Variants in SPON2 observed in about 807,000 individuals in gnomAD.
The protein encoded by SPON2 is spondin 2.
SPON2 carries 32 observed loss-of-function variants against 29.9 expected under a neutral mutation model. That is an observed-to-expected ratio of 1.07 (90% CI 0.81 to 1.44). The LOEUF (loss-of-function observed/expected upper bound fraction) is 1.44, where lower values mean the gene tolerates loss of function less well. Among genes scored for constraint, SPON2 ranks in the 40% most tolerant of loss-of-function variants. SPON2 has a pLI of 0.00. For missense variants in SPON2, 541 were observed against 455.5 expected, an observed-to-expected ratio of 1.19 and a Z score of -1.71; for synonymous variants, 248 against 209.1, an observed-to-expected ratio of 1.19 and a Z score of -1.61.
At chr4:1,170,918 G>A in intron 4 of SPON2, 81 bp downstream of exon 4, 3 of 1,511,556 alleles carry the variant, frequency 2.0e-6, no homozygotes, top group Non-Finnish European at 2.7e-6. Context: ...TGGGCTGGGA[G>A]GCGAGGGTGC....
At chr4:1,173,269 A>G (rs1727521624), upstream of SPON2, 1 of 152,294 alleles carries the variant, frequency 6.6e-6, no homozygotes, top group African/African-American at 2.4e-5. Flanking sequence ...AAAGCTGCAC[A>G]GAACAGCCTA....
intron 1 of SPON2, among the ~76,000 whole-genome samples, chr4:1,194,287 G>T (rs1307100254): frequency 1.3e-5 from 2 of 152,172 alleles, no homozygotes; most frequent in South Asian, 2.1e-4. Context: ...GCCCAGTCAG[G>T]GTGGCAGGAA....
In SPON2 at chr4:1,168,647, G is replaced by C. The variant is rs370557609; in HGVS notation, c.812-991C>G. On this transcript the variant is annotated intron_variant, in intron 5 of 5. Coordinates refer to ENST00000290902, the MANE Select transcript of SPON2 (RefSeq NM_012445.4). ...TGGGGAGCACACAGAGCTGCTGGCA[G>C]ATCCCAGCACCCCCCAGCTTCCTGA... 1.7e-3 allele frequency among the ~76,000 whole-genome samples: 265 copies of C among 152,354 alleles called. 9 individuals are homozygous for C. The South Asian group carries it at 0.051, about 29-fold the overall frequency.
intron 1 of SPON2, chr4:1,201,490 C>G (rs917612205): frequency 1.1e-5 from 2 of 180,804 alleles, no homozygotes; most frequent in South Asian, 1.9e-4. Flanking sequence ...GTTACATGCA[C>G]GTGACCACAG....
chr4:1,170,726 C>G (rs1727403260), intron 4 of SPON2, 150 bp from the exon 5 acceptor site: 4 of 1,078,612 alleles, frequency 3.7e-6, no homozygotes, highest in Admixed American at 2.0e-5. Flanking sequence ...TCAGCCATCC[C>G]ACGGAACACG....
chr4:1,200,437 G>A (rs950706940), intron 1 of SPON2, among the ~76,000 whole-genome samples: 3 of 152,138 alleles, frequency 2.0e-5, no homozygotes, highest in Admixed American at 6.5e-5. Flanking sequence ...GGAGGTGCAG[G>A]CTAAGCGAGG....
At position 1,188,218 on chromosome 4, in the gene SPON2, A is replaced by G. The variant is rs528077993; in HGVS notation, c.-239+6772T>C. ...ACTCCGTCTCAAAAAAAAAAAAAAA[A>G]AAAAAAAAGAAATGACAAATATGTT... On this transcript the variant is annotated intron_variant, in intron 1 of 3. Transcript: ENST00000502483. 4.7e-4 allele frequency among the ~76,000 whole-genome samples: 71 copies of G among 151,084 alleles called. 3 individuals carry two copies. In the East Asian group the frequency reaches 0.014, roughly 29 times the overall value.
At chr4:1,170,331 C>T (rs371279109) in intron 5 of SPON2, 71 bp downstream of exon 5, 5 of 1,462,092 alleles carry the variant, frequency 3.4e-6, no homozygotes, top group South Asian at 1.2e-5. Flanking sequence ...GCCTTAGGTT[C>T]GGGTTTGGTG....
At chr4:1,171,754 C>A in intron 2 of SPON2, 98 bp downstream of exon 2, 1 of 909,830 alleles carries the variant, frequency 1.1e-6, no homozygotes, top group South Asian at 1.4e-5. Context: ...GACGTCAGCA[C>A]GCCCCAGACT....
upstream of SPON2, among the ~76,000 whole-genome samples, chr4:1,175,658 G>A (rs2153077769): frequency 6.6e-6 from 1 of 151,872 alleles, no homozygotes; most frequent in South Asian, 2.1e-4. Context: ...AGTAGGCCCA[G>A]GCCTCGGGGG....
upstream of SPON2, among the ~76,000 whole-genome samples, chr4:1,175,852 G>A (rs1466880774): frequency 6.6e-6 from 1 of 152,154 alleles, no homozygotes; most frequent in African/African-American, 2.4e-5. Flanking sequence ...GGTGCTCCAG[G>A]CAGGGCCACA....
chr4:1,171,990 G>A lies in SPON2; in HGVS notation c.82C>T (p.Pro28Ser). The stretch of plus-strand genomic sequence containing the variant: ...GAACAGATGGACTCTCCCCCAAGAG[G>A]CTGGCCGGCGGCGCCGAGAGTGGCC... Reference protein sequence around the residue: ...LLATLGAAGQPLGGESICSAR... With the variant: ...LLATLGAAGQSLGGESICSAR... The change falls in exon 2 of 6, where the codon CCT becomes TCT. Residue 28 changes from proline to serine, a missense_variant. By Grantham distance (74) the Pro-to-Ser change is moderately conservative (BLOSUM62 -1). Transcript: ENST00000290902. The A allele has an allele frequency of 1.9e-6, 3 of 1,612,928 alleles. No homozygotes were observed.
chr4:1,171,676 GC>G, intron 2 of SPON2, 175 bp downstream of exon 2: 1 of 760,298 alleles, frequency 1.3e-6, no homozygotes, highest in Non-Finnish European at 2.1e-6. Context: ...AGCGCCCCCT[GC>G]CCCCACCGCA....
chr4:1,179,531 C>G (rs1169594915), exon 2 of SPON2: 2 of 152,126 alleles, frequency 1.3e-5, no homozygotes, highest in African/African-American at 4.8e-5. Context: ...TTCCTCCAAG[C>G]AGTGAGGAAA....
intron 1 of SPON2, among the ~76,000 whole-genome samples, chr4:1,187,117 A>G (rs1042086387): frequency 6.6e-6 from 1 of 152,234 alleles, no homozygotes; most frequent in African/African-American, 2.4e-5. Flanking sequence ...TAAAATGCAA[A>G]ATCAGTTCAA....
upstream of SPON2, among the ~76,000 whole-genome samples, chr4:1,196,269 T>C (rs1035402015): frequency 6.6e-6 from 1 of 152,212 alleles, no homozygotes; most frequent in Non-Finnish European, 1.5e-5. Flanking sequence ...TCCCAGCTTC[T>C]TCACTCACGG....
chr4:1,205,584 G>A (rs1414488826), intron 1 of SPON2, among the ~76,000 whole-genome samples: 1 of 45,566 alleles, frequency 2.2e-5, no homozygotes, highest in Non-Finnish European at 7.2e-5. Flanking sequence ...GGAGCCGCCT[G>A]GCCTTCCCTG....
intron 1 of SPON2, among the ~76,000 whole-genome samples, chr4:1,194,158 G>C (rs1727983042): frequency 2.0e-5 from 3 of 152,246 alleles, no homozygotes; most frequent in Non-Finnish European, 4.4e-5. Context: ...TATGGGGAGA[G>C]AGACACCCTC....
rs1023369767 is a variant in SPON2 at position 1,171,439 on chromosome 4, C to G, written c.268G>C (p.Val90Leu). 5.6e-6 allele frequency: 9 copies of G among 1,612,156 alleles called. No homozygotes were observed. Among genetic ancestry groups the G allele is most frequent in the South Asian group, 1.1e-5 (1 of 91,072 alleles). Residue 90 changes from valine (V) to leucine (L), a missense_variant, in exon 3 of 6, where the codon GTC becomes CTC. Physicochemically the swap from Val to Leu is conservative, Grantham distance 32 (BLOSUM62 1). Transcript: ENST00000290902. ...GCAAAGTCGCGCAGCCCGTTACTGACGTACTGGTTCTTCCTCCACATGCTG... is the reference window on the plus strand; with the variant it reads ...GCAAAGTCGCGCAGCCCGTTACTGAGGTACTGGTTCTTCCTCCACATGCTG... ...DYSMWRKNQY[V>L]SNGLRDFAER...
Sources: gnomAD v4.1 joint callset for allele counts (sites outside exome capture counted in the v4.1 genomes callset) on GRCh38, gnomAD v4.1.1 for gene constraint, MANE v1.5 for transcripts, NCBI Gene and HGNC (gene_info 2026-07-23, HGNC 2026-07-21) for gene names.